The following CEP97 variants were observed in gnomAD, a reference collection of about 807,000 sequenced individuals.
CEP97 encodes the protein centrosomal protein of 97 kDa.
CEP97 carries 43 observed loss-of-function variants against 73.1 expected under a neutral mutation model. That is an observed-to-expected ratio of 0.59 (90% CI 0.46 to 0.76). The LOEUF is 0.76. CEP97 is among the 30% of genes least tolerant of loss of function. The probability of loss-of-function intolerance (pLI) is 0.00; values close to 1 mark genes in which losing one functional copy is unlikely to be tolerated. For synonymous variants in CEP97, 337 were observed against 370.0 expected, an observed-to-expected ratio of 0.91 and a Z score of 1.02; for missense variants, 939 against 1,014.0, an observed-to-expected ratio of 0.93 and a Z score of 1.00.
intron 6 of CEP97, among the ~76,000 whole-genome samples, chr3:101,739,451 C>G (rs527954983): frequency 6.6e-6 from 1 of 152,284 alleles, no homozygotes; most frequent in African/African-American, 2.4e-5. Flanking sequence ...AATCCAGCAG[C>G]ACATCAAAAA....
chr3:101,726,564 T>A, intron 1 of CEP97, 30 bp from the exon 2 acceptor site: 1 of 1,543,668 alleles, frequency 6.5e-7, no homozygotes, highest in Non-Finnish European at 8.7e-7. Flanking sequence ...ATTTTATTTG[T>A]GTTTTCTAAC....
chr3:101,757,110 C>A lies in CEP97; in HGVS notation c.941C>A (p.Ser314Tyr). 6.2e-7 allele frequency: 1 copy of A among 1,612,998 alleles called. No homozygotes were observed. The highest frequency in any genetic ancestry group is 1.1e-5 in the South Asian group (1 of 90,834). ...AACCAAAGCCAAAATGAAGAGTTGT[C>A]TCCTCTTGTTCCTGTTGAAACAAGG... ...LMNQSQNEEL[S>Y]PLVPVETRAS... is the part of the protein sequence containing the mutation. Residue 314 changes from serine (S) to tyrosine (Y), a missense_variant, in exon 8 of 11, where the codon TCT (serine) becomes TAT (tyrosine). By Grantham distance (144) the Ser-to-Tyr change is moderately radical. Transcript: ENST00000341893.
intron 9 of CEP97, chr3:101,759,601 C>A: frequency 6.6e-6 from 1 of 152,344 alleles, no homozygotes; most frequent in Admixed American, 6.5e-5. Context: ...GTGACCAAGA[C>A]CCCAGGTGTA....
intron 6 of CEP97, among the ~76,000 whole-genome samples, chr3:101,752,616 CT>C (rs1394238147): frequency 2.0e-5 from 3 of 152,086 alleles, no homozygotes; most frequent in Non-Finnish European, 4.4e-5. Context: ...TTTCTGTAAA[CT>C]TCCCTTCTCG....
chr3:101,727,643 C>A, intron 3 of CEP97, 102 bp downstream of exon 3: 1 of 869,920 alleles, frequency 1.1e-6, no homozygotes, highest in Admixed American at 2.7e-5. Flanking sequence ...CACTCCCACT[C>A]TCCAGGGATA....
intron 6 of CEP97, among the ~76,000 whole-genome samples, chr3:101,753,895 G>A (rs1453815122): frequency 3.9e-5 from 6 of 152,232 alleles, no homozygotes; most frequent in South Asian, 2.1e-4. Context: ...GCTTGCGCAC[G>A]GTGCGCTGCA....
chr3:101,726,969 G>C (rs1937911910), intron 2 of CEP97, among the ~76,000 whole-genome samples: 1 of 152,110 alleles, frequency 6.6e-6, no homozygotes, highest in South Asian at 2.1e-4. Flanking sequence ...AAAATACTGT[G>C]TTACTAAGGT....
chr3:101,755,344 A>G, intron 6 of CEP97, 86 bp from the exon 7 acceptor site: 1 of 1,164,604 alleles, frequency 8.6e-7, no homozygotes, highest in Non-Finnish European at 1.3e-6. Flanking sequence ...TATAAAGGTA[A>G]GTTAACAAGG....
At chr3:101,749,591 A>G (rs1346397684) in intron 6 of CEP97, among the ~76,000 whole-genome samples, 1 of 129,044 alleles carries the variant, frequency 7.7e-6, no homozygotes, top group African/African-American at 2.9e-5. Context: ...CAATGGTTGA[A>G]CTAGTTTACA....
At chr3:101,762,252 G>A (rs1298237049) in intron 9 of CEP97, among the ~76,000 whole-genome samples, 2 of 152,044 alleles carry the variant, frequency 1.3e-5, no homozygotes, top group Non-Finnish European at 1.5e-5. Flanking sequence ...CTTCTACTTT[G>A]AGTCACAGTT....
chr3:101,740,755 A>G (rs1012860600), intron 6 of CEP97, among the ~76,000 whole-genome samples: 1 of 152,030 alleles, frequency 6.6e-6, no homozygotes, highest in Non-Finnish European at 1.5e-5. Context: ...ACGCCTGGCT[A>G]ATTTTGTATT....
chr3:101,762,868 A>G (rs1939208859), intron 10 of CEP97, among the ~76,000 whole-genome samples: 2 of 152,206 alleles, frequency 1.3e-5, no homozygotes, highest in Non-Finnish European at 2.9e-5. Flanking sequence ...AATTTCATGT[A>G]GCTATCGATC....
At chr3:101,763,544 AG>A (rs1939225149) in intron 10 of CEP97, among the ~76,000 whole-genome samples, 1 of 152,176 alleles carries the variant, frequency 6.6e-6, no homozygotes, top group African/African-American at 2.4e-5. Context: ...CCTAGAAAAA[AG>A]TCTGGAAGGA....
chr3:101,764,769 C>T (rs76019151), intron 10 of CEP97, 78 bp from the exon 11 acceptor site: 58 of 1,291,226 alleles, frequency 4.5e-5, no homozygotes, highest in Middle Eastern at 2.8e-4. Context: ...GGTGACAGAG[C>T]GAGACCCTGT....
intron 4 of CEP97, among the ~76,000 whole-genome samples, chr3:101,729,952 C>T (rs1197234187): frequency 2.0e-5 from 3 of 151,832 alleles, no homozygotes; most frequent in African/African-American, 7.3e-5. Context: ...TTATAGGCGC[C>T]CACCACCACA....
At chr3:101,741,639 GCCAA>G (rs1230253693) in intron 6 of CEP97, among the ~76,000 whole-genome samples, 2 of 152,136 alleles carry the variant, frequency 1.3e-5, no homozygotes, top group Admixed American at 1.3e-4. Flanking sequence ...CATTTATGCG[GCCAA>G]CAATCATATG....
intron 9 of CEP97, among the ~76,000 whole-genome samples, chr3:101,760,678 A>AC (rs1939146827): frequency 6.6e-6 from 1 of 151,976 alleles, no homozygotes; most frequent in Non-Finnish European, 1.5e-5. Context: ...AGTAGCTGGG[A>AC]CTATAGGCAT....
chr3:101,757,448 C>G (rs1939041597), intron 8 of CEP97, among the ~76,000 whole-genome samples, 186 bp from the exon 9 acceptor site: 1 of 152,074 alleles, frequency 6.6e-6, no homozygotes, highest in African/African-American at 2.4e-5. Context: ...TTTGATTATT[C>G]TTATGATTAT....
At chr3:101,726,540 G>C in intron 1 of CEP97, 54 bp from the exon 2 acceptor site, 1 of 1,408,146 alleles carries the variant, frequency 7.1e-7, no homozygotes. Flanking sequence ...ATGCTTAGCT[G>C]TTGTACATGT....
Sources: gnomAD v4.1 joint callset for allele counts (sites outside exome capture counted in the v4.1 genomes callset) on GRCh38, gnomAD v4.1.1 for gene constraint, MANE v1.5 for transcripts, NCBI Gene and HGNC (gene_info 2026-07-23, HGNC 2026-07-21) for gene names.